The following ECM2 variants were observed in gnomAD, a reference collection of about 807,000 sequenced individuals.
The protein encoded by ECM2 is extracellular matrix protein 2, also known as extracellular matrix protein 2, female organ and adipocyte specific.
ECM2 carries 57 observed loss-of-function variants against 67.5 expected under a neutral mutation model. The observed-to-expected ratio is 0.84, with a 90% CI of 0.68 to 1.05. The LOEUF is 1.05. Ranked by LOEUF, ECM2 falls within the 50% of genes least tolerant of loss-of-function variation. The pLI is 0.00. For synonymous variants in ECM2, 258 were observed against 294.5 expected (o/e 0.88, Z 1.27); for missense variants, 741 against 822.8 (o/e 0.90, Z 1.22).
upstream of ECM2, among the ~76,000 whole-genome samples, chr9:92,538,278 G>A (rs974434049): frequency 1.3e-5 from 2 of 152,142 alleles, no homozygotes; most frequent in Admixed American, 6.6e-5. Flanking sequence ...AGTTGTCCAT[G>A]CTATACCAGG....
chr9:92,533,329 ATATATATATATATATAT>A (rs1214122401), intron 1 of ECM2, among the ~76,000 whole-genome samples: 1 of 43,536 alleles, frequency 2.3e-5, no homozygotes, highest in African/African-American at 9.7e-5. Context: ...AAAAAAAAAA[ATATATATATATATATAT>A]ATATATATAT....
At chr9:92,515,763 T>G (rs1162099640) in intron 3 of ECM2, among the ~76,000 whole-genome samples, 3 of 152,222 alleles carry the variant, frequency 2.0e-5, no homozygotes, top group Admixed American at 6.5e-5. Flanking sequence ...TTCAGAATTA[T>G]AGAGAGAGAG....
intron 1 of ECM2, among the ~76,000 whole-genome samples, chr9:92,532,727 C>T (rs1306053516): frequency 3.3e-5 from 5 of 151,980 alleles, no homozygotes; most frequent in African/African-American, 1.2e-4. Context: ...TTAATCTCAT[C>T]TTTTATTTTT....
the ECM2 span, among the ~76,000 whole-genome samples, chr9:92,544,850 G>A: frequency 1.3e-5 from 2 of 151,902 alleles, no homozygotes; most frequent in Non-Finnish European, 2.9e-5. Context: ...CCAGTAGCTG[G>A]GAGTACAGGC....
chr9:92,523,817 G>A (rs1848222517), intron 1 of ECM2, among the ~76,000 whole-genome samples: 1 of 152,200 alleles, frequency 6.6e-6, no homozygotes, highest in South Asian at 2.1e-4. Context: ...AGATAAGAGA[G>A]CAGGTTGCAC....
At chr9:92,493,997 A>G, downstream of ECM2, 1 of 1,378,376 alleles carries the variant, frequency 7.3e-7, no homozygotes, top group Non-Finnish European at 1.0e-6. Flanking sequence ...CTCAGGCCCC[A>G]GTGTGCTCGT....
chr9:92,532,983 G>C (rs978050261), intron 1 of ECM2, among the ~76,000 whole-genome samples: 1 of 151,830 alleles, frequency 6.6e-6, no homozygotes, highest in African/African-American at 2.4e-5. Flanking sequence ...TTTGAAGCTG[G>C]GCTTCACCAT....
chr9:92,530,618 CA>C (rs1848688571), intron 1 of ECM2, among the ~76,000 whole-genome samples: 1 of 152,146 alleles, frequency 6.6e-6, no homozygotes, highest in Admixed American at 6.6e-5. Flanking sequence ...GTGCATTTAT[CA>C]TTAGGTGGAT....
chr9:92,533,507 A>G (rs1848988727), intron 1 of ECM2, among the ~76,000 whole-genome samples: 1 of 151,136 alleles, frequency 6.6e-6, no homozygotes, highest in Non-Finnish European at 1.5e-5. Context: ...AGATGCTTCT[A>G]GAAGAAAAAC....
At chr9:92,498,610 A>T (rs1292672717) in intron 9 of ECM2, among the ~76,000 whole-genome samples, 1 of 152,156 alleles carries the variant, frequency 6.6e-6, no homozygotes, top group Admixed American at 6.5e-5. Context: ...AAAATAAACT[A>T]AATAACATGT....
chr9:92,544,309 C>T, the ECM2 span, among the ~76,000 whole-genome samples: 1 of 152,152 alleles, frequency 6.6e-6, no homozygotes, highest in African/African-American at 2.4e-5. Context: ...AATCCCGTCT[C>T]TACTAAAAAT....
At chr9:92,558,946 C>T in the ECM2 span, among the ~76,000 whole-genome samples, 1 of 152,012 alleles carries the variant, frequency 6.6e-6, no homozygotes, top group Non-Finnish European at 1.5e-5. Flanking sequence ...CACCCAGTTC[C>T]CACGCAAACT....
chr9:92,538,137 A>G (rs144886814), upstream of ECM2, among the ~76,000 whole-genome samples: 185 of 152,332 alleles, frequency 1.2e-3, no homozygotes, highest in African/African-American at 4.2e-3. Context: ...CCTTCAAGGA[A>G]GTACTCTGAA....
the ECM2 span, among the ~76,000 whole-genome samples, chr9:92,547,218 T>A: frequency 1.3e-5 from 2 of 152,012 alleles, no homozygotes; most frequent in Non-Finnish European, 2.9e-5. Context: ...AGAAAGCAAA[T>A]GTTTACCATA....
the ECM2 span, among the ~76,000 whole-genome samples, chr9:92,554,239 A>G: frequency 2.6e-5 from 4 of 151,306 alleles, no homozygotes; most frequent in African/African-American, 4.9e-5. Context: ...GCTGGAGTGC[A>G]ATGGCACAAT....
intron 3 of ECM2, chr9:92,517,122 C>T (rs1025167036): frequency 6.4e-6 from 1 of 156,176 alleles, no homozygotes; most frequent in African/African-American, 2.4e-5. Flanking sequence ...TGATCTCCTG[C>T]ACACAGAAGT....
intron 3 of ECM2, among the ~76,000 whole-genome samples, chr9:92,516,429 AC>A (rs1847727054): frequency 6.6e-6 from 1 of 152,090 alleles, no homozygotes; most frequent in Non-Finnish European, 1.5e-5. Flanking sequence ...CTTTTATTTA[AC>A]ACTATATATA....
chr9:92,555,003 T>TTTGTTGTTGTTG, the ECM2 span, among the ~76,000 whole-genome samples: 5 of 149,826 alleles, frequency 3.3e-5, no homozygotes, highest in South Asian at 2.1e-4. Context: ...GTCTGTATTG[T>TTTGTTGTTGTTG]TTGTTGTTGT....
At chr9:92,546,652 T>C in the ECM2 span, among the ~76,000 whole-genome samples, 1,263 of 152,284 alleles carry the variant, frequency 8.3e-3, 8 homozygotes, top group Non-Finnish European at 0.015. Flanking sequence ...CACGCTGCCT[T>C]TAAGAACTGT....
Sources: gnomAD v4.1 joint callset for allele counts (sites outside exome capture counted in the v4.1 genomes callset) on GRCh38, gnomAD v4.1.1 for gene constraint, MANE v1.5 for transcripts, NCBI Gene and HGNC (gene_info 2026-07-23, HGNC 2026-07-21) for gene names.